CDH13: variants seen among roughly 807,000 people sequenced by gnomAD.
The protein encoded by CDH13 is cadherin-13.
Under a neutral mutation model 63.8 loss-of-function variants are expected in CDH13, and 24 were observed. That is an observed-to-expected ratio of 0.38 (90% CI 0.27 to 0.53). CDH13 has a LOEUF of 0.53. CDH13 is among the 20% of genes least tolerant of loss of function. The pLI, the probability that CDH13 is intolerant of heterozygous loss-of-function variation, is 0.85. For missense variants in CDH13, 1,049 were observed against 903.1 expected (o/e 1.16, Z -2.07); for synonymous variants, 503 against 355.3 (o/e 1.42, Z -4.67).
At chr16:83,492,506 C>G (rs2074037696) in intron 7 of CDH13, among the ~76,000 whole-genome samples, 1 of 151,978 alleles carries the variant, frequency 6.6e-6, no homozygotes, top group African/African-American at 2.4e-5. Flanking sequence ...TTTTTTTTAT[C>G]ACTTGCTGCT....
intron 1 of CDH13, among the ~76,000 whole-genome samples, chr16:82,775,312 T>C (rs772325054): frequency 6.6e-6 from 1 of 152,326 alleles, no homozygotes; most frequent in Non-Finnish European, 1.5e-5. Context: ...TACAGTAAAG[T>C]AACCATTGTT....
intron 2 of CDH13, among the ~76,000 whole-genome samples, chr16:82,860,388 T>TGGG (rs368818163): frequency 4.8e-5 from 3 of 63,074 alleles, no homozygotes; most frequent in African/African-American, 1.9e-4. Flanking sequence ...TGTGTGTGTG[T>TGGG]GGGGGGGGGG....
chr16:83,429,104 A>G (rs964230424), intron 6 of CDH13, among the ~76,000 whole-genome samples: 7 of 152,248 alleles, frequency 4.6e-5, no homozygotes, highest in African/African-American at 1.7e-4. Flanking sequence ...ATTCATGTGC[A>G]TTTGGCAGTG....
intron 4 of CDH13, among the ~76,000 whole-genome samples, chr16:83,179,286 C>G (rs985006508): frequency 2.0e-5 from 3 of 152,044 alleles, no homozygotes; most frequent in African/African-American, 4.8e-5. Context: ...GCACTACAAG[C>G]TATTATCTCC....
chr16:83,682,436 T>C (rs189347755), intron 10 of CDH13, among the ~76,000 whole-genome samples: 109 of 152,274 alleles, frequency 7.2e-4, no homozygotes, highest in African/African-American at 2.6e-3. Context: ...GCTGTGTTTT[T>C]CACAATTATG....
intron 2 of CDH13, among the ~76,000 whole-genome samples, chr16:82,973,450 G>C (rs1909055992): frequency 6.6e-6 from 1 of 152,188 alleles, no homozygotes; most frequent in Non-Finnish European, 1.5e-5. Context: ...ACTGTTCACT[G>C]TTCAATTTAA....
intron 3 of CDH13, among the ~76,000 whole-genome samples, chr16:83,034,063 C>T (rs1398492742): frequency 2.0e-5 from 3 of 152,124 alleles, no homozygotes; most frequent in African/African-American, 7.2e-5. Context: ...CCCGCCAGTG[C>T]TGTCTGTGTG....
At chr16:83,628,653 T>C (rs1279258338) in intron 8 of CDH13, among the ~76,000 whole-genome samples, 1 of 152,198 alleles carries the variant, frequency 6.6e-6, no homozygotes, top group African/African-American at 2.4e-5. Context: ...GGCTGGAGTG[T>C]GTCCTCTCTA....
At chr16:82,689,871 G>A (rs1025292387) in intron 1 of CDH13, among the ~76,000 whole-genome samples, 1 of 151,246 alleles carries the variant, frequency 6.6e-6, no homozygotes, top group Non-Finnish European at 1.5e-5. Flanking sequence ...ATAGCTGGGG[G>A]CAGTGGCTCA....
In CDH13 at chr16:83,081,163, G is replaced by A. The variant is rs190650382; in HGVS notation, c.367-44222G>A. Among the ~76,000 whole-genome samples, 346 of 152,094 alleles carry A rather than the reference G, an allele frequency of 2.3e-3. 1 individual carries two copies. Among genetic ancestry groups the A allele is most frequent in the Non-Finnish European group, 3.8e-3 (257 of 68,004 alleles). ...CCCAAAATGCTGGGATTATAAGCAT[G>A]AGCCACCGCACCTGGCAAGATAGAG... On this transcript the variant is annotated intron_variant, in intron 3 of 13. Transcript: ENST00000567109.
rs531465285 is a variant in CDH13 at position 83,432,272 on chromosome 16, G to A, written c.782-54205G>A. Among the ~76,000 whole-genome samples, 37 of 152,310 alleles carry A rather than the reference G, an allele frequency of 2.4e-4. No homozygotes were observed. The South Asian group carries it at 7.2e-3, about 30-fold the overall frequency. Reference sequence around the variant, plus strand: ...TGAGCTGCTGGGACACCATGGATCCGTTCGAGGAGTATCAGTAGCTGCAGT... The same window carrying A: ...TGAGCTGCTGGGACACCATGGATCCATTCGAGGAGTATCAGTAGCTGCAGT... On this transcript the variant is annotated intron_variant, in intron 6 of 13. Transcript: ENST00000567109.
chr16:83,017,458 C>G (rs1354853687), intron 2 of CDH13, among the ~76,000 whole-genome samples: 2 of 152,190 alleles, frequency 1.3e-5, no homozygotes, highest in Non-Finnish European at 2.9e-5. Context: ...GGACCTGGAA[C>G]TGGATTCTAT....
At chr16:83,159,004 G>A (rs769761861) in intron 4 of CDH13, among the ~76,000 whole-genome samples, 1 of 152,002 alleles carries the variant, frequency 6.6e-6, no homozygotes, top group Admixed American at 6.6e-5. Context: ...CTCTCATTTG[G>A]TTTCCAAATT....
intron 5 of CDH13, among the ~76,000 whole-genome samples, chr16:83,330,260 T>C (rs1324889068): frequency 6.6e-6 from 1 of 152,194 alleles, no homozygotes; most frequent in Admixed American, 6.5e-5. Flanking sequence ...GAAATCTGGA[T>C]ACCAGAATTG....
intron 1 of CDH13, among the ~76,000 whole-genome samples, chr16:82,651,628 A>G (rs1162536896): frequency 6.6e-6 from 1 of 152,172 alleles, no homozygotes; most frequent in Non-Finnish European, 1.5e-5. Flanking sequence ...GTGTTTTTCC[A>G]CTTTACAGTG....
chr16:82,930,733 C>G (rs905083289), intron 2 of CDH13, among the ~76,000 whole-genome samples: 1 of 152,110 alleles, frequency 6.6e-6, no homozygotes, highest in Non-Finnish European at 1.5e-5. Flanking sequence ...AAAATTAAAG[C>G]TATAAAGCAT....
intron 5 of CDH13, among the ~76,000 whole-genome samples, chr16:83,338,146 T>C (rs1368763889): frequency 6.8e-6 from 1 of 147,868 alleles, no homozygotes; most frequent in African/African-American, 2.5e-5. Context: ...AGGCCAGACC[T>C]GTATGGGACA....
chr16:83,756,738 G>A (rs1165707036), intron 11 of CDH13, among the ~76,000 whole-genome samples: 1 of 152,130 alleles, frequency 6.6e-6, no homozygotes, highest in Non-Finnish European at 1.5e-5. Flanking sequence ...TCAAAAAGAA[G>A]GACATCACAG....
intron 3 of CDH13, among the ~76,000 whole-genome samples, chr16:83,059,777 G>GTTT (rs370110417): frequency 9.4e-6 from 1 of 105,940 alleles, no homozygotes; most frequent in African/African-American, 3.4e-5. Context: ...TTTTGCCTTT[G>GTTT]TTTTTTTTTT....
Sources: gnomAD v4.1 joint callset for allele counts (sites outside exome capture counted in the v4.1 genomes callset) on GRCh38, gnomAD v4.1.1 for gene constraint, MANE v1.5 for transcripts, NCBI Gene and HGNC (gene_info 2026-07-23, HGNC 2026-07-21) for gene names.